The following AGAP1 variants were observed in gnomAD, a reference collection of about 807,000 sequenced individuals.
AGAP1 encodes ArfGAP with GTPase domain, ankyrin repeat and PH domain 1.
AGAP1 carries 29 observed loss-of-function variants against 105.3 expected under a neutral mutation model. The ratio of observed to expected loss-of-function variants is 0.28; its 90% CI spans 0.21 to 0.38. The LOEUF (loss-of-function observed/expected upper bound fraction) is 0.38. AGAP1 is among the 10% of genes least tolerant of loss of function. AGAP1 has a pLI of 1.00. For synonymous variants in AGAP1, 509 were observed against 485.9 expected (o/e 1.05, Z -0.63); for missense variants, 998 against 1,165.1 (o/e 0.86, Z 2.09).
At chr2:235,619,188 A>T (rs1946397040) in intron 1 of AGAP1, among the ~76,000 whole-genome samples, 1 of 152,202 alleles carries the variant, frequency 6.6e-6, no homozygotes, top group Non-Finnish European at 1.5e-5. Flanking sequence ...CAAGCAAGCC[A>T]CCAAGTTTGT....
At chr2:235,508,992 G>T (rs13411429) in intron 1 of AGAP1, among the ~76,000 whole-genome samples, 26,703 of 152,134 alleles carry the variant, frequency 0.18, 2,581 homozygotes, top group East Asian at 0.31. Context: ...GCGTGGTGGT[G>T]GCTGCGCTAT....
intron 1 of AGAP1, among the ~76,000 whole-genome samples, chr2:235,561,712 C>T (rs1436318699): frequency 6.6e-6 from 1 of 152,144 alleles, no homozygotes; most frequent in Non-Finnish European, 1.5e-5. Flanking sequence ...AATAGAGGCC[C>T]ATTACATACC....
chr2:236,111,910 G>A (rs2059655075), intron 16 of AGAP1, among the ~76,000 whole-genome samples: 2 of 152,126 alleles, frequency 1.3e-5, no homozygotes, highest in Admixed American at 1.3e-4. Context: ...CATCACAGTT[G>A]GTTGTTGCCT....
At chr2:235,821,863 C>T (rs537825035) in intron 9 of AGAP1, among the ~76,000 whole-genome samples, 15 of 152,326 alleles carry the variant, frequency 9.8e-5, no homozygotes, top group African/African-American at 3.4e-4. Context: ...ATGACCTTGA[C>T]ACTATTTTAG....
At chr2:236,110,932 G>A (rs1457199904) in intron 16 of AGAP1, among the ~76,000 whole-genome samples, 1 of 152,198 alleles carries the variant, frequency 6.6e-6, no homozygotes, top group Non-Finnish European at 1.5e-5. Flanking sequence ...TCTGGTTAGG[G>A]TTCGGTCTCT....
chr2:235,832,708 T>C (rs1959577022), intron 9 of AGAP1, among the ~76,000 whole-genome samples: 1 of 152,228 alleles, frequency 6.6e-6, no homozygotes, highest in Non-Finnish European at 1.5e-5. Flanking sequence ...CGTTGCCTGT[T>C]GGCAGCTGTG....
intron 1 of AGAP1, among the ~76,000 whole-genome samples, chr2:235,704,588 G>A (rs1426679180): frequency 3.3e-5 from 5 of 152,200 alleles, no homozygotes; most frequent in African/African-American, 1.2e-4. Context: ...GGAGGTTGCA[G>A]TGAGCCAAGA....
At chr2:235,648,479 G>T (rs988252309) in intron 1 of AGAP1, among the ~76,000 whole-genome samples, 1 of 152,098 alleles carries the variant, frequency 6.6e-6, no homozygotes, top group African/African-American at 2.4e-5. Context: ...CTAAGGTGAG[G>T]TTACCTTTCC....
At chr2:235,798,038 G>T (rs1306350691) in intron 7 of AGAP1, 152 bp downstream of exon 7, 2 of 1,013,532 alleles carry the variant, frequency 2.0e-6, no homozygotes, top group Non-Finnish European at 2.9e-6. Context: ...TTCAGAAACT[G>T]CTGTGGCCAA....
rs990465548 is a variant in AGAP1 at position 235,566,249 on chromosome 2, G to A, written c.163+71400G>A. On this transcript the variant is annotated intron_variant, in intron 1 of 17. Transcript: ENST00000304032. The surrounding 1 kb of genome is among the most constrained non-coding windows in gnomAD (Gnocchi z 5.2). The stretch of plus-strand genomic sequence containing the variant: ...TGGGATTACAGGCATGCGCCACCAC[G>A]CCTGGCTAATTTTGTATTTTTAGTA... Among the ~76,000 whole-genome samples the A allele has an allele frequency of 6.6e-6, 1 of 152,070 alleles. No homozygotes were observed. Among genetic ancestry groups the A allele is most frequent in the Non-Finnish European group, 1.5e-5 (1 of 68,028 alleles).
chr2:235,727,183 G>A lies in AGAP1; in HGVS notation c.310+9539G>A, dbSNP rs181410733. ...TTTTGATTGTTCTGTCCCTTCGGGT[G>A]GGGAGATGAGGTCAGCCTAATTGAG... On this transcript the variant is annotated intron_variant, in intron 3 of 17. Coordinates refer to ENST00000304032, the MANE Select transcript of AGAP1 (RefSeq NM_001037131.3). 1.3e-3 allele frequency among the ~76,000 whole-genome samples: 194 copies of A among 152,326 alleles called. 2 individuals are homozygous for A. The highest frequency in any genetic ancestry group is 4.4e-3 in the African/African-American group (183 of 41,578).
At chr2:235,571,276 G>A (rs1384796912) in intron 1 of AGAP1, among the ~76,000 whole-genome samples, 1 of 152,218 alleles carries the variant, frequency 6.6e-6, no homozygotes, top group South Asian at 2.1e-4. Context: ...ATGGGGACAA[G>A]GATTCACACC....
rs374297554 is a variant in AGAP1, at chr2:235,811,693, C to T, written c.1050+4362C>T. 4.3e-3 allele frequency among the ~76,000 whole-genome samples: 651 copies of T among 152,330 alleles called. 3 individuals carry two copies. Among genetic ancestry groups the T allele is most frequent in the Middle Eastern group, 0.02 (6 of 294 alleles). On this transcript the variant is annotated intron_variant, in intron 9 of 17. Coordinates refer to ENST00000304032, the MANE Select transcript of AGAP1 (RefSeq NM_001037131.3). ...TGCTCTGTACCTCAGGCCATGGGGA[C>T]GACCGCTCCCTGTCATGCAGACCCC...
intron 1 of AGAP1, among the ~76,000 whole-genome samples, chr2:235,706,002 T>G (rs1168355646): frequency 6.6e-6 from 1 of 152,320 alleles, no homozygotes; most frequent in East Asian, 1.9e-4. Flanking sequence ...ACTATTAAAG[T>G]TCATTTTTAA....
At chr2:235,679,663 T>G (rs528123345) in intron 1 of AGAP1, among the ~76,000 whole-genome samples, 1 of 152,224 alleles carries the variant, frequency 6.6e-6, no homozygotes, top group Non-Finnish European at 1.5e-5. Flanking sequence ...TTTGGACAGC[T>G]AGTCTGAGTG....
At position 235,927,698 on chromosome 2, in the gene AGAP1, G is replaced by T. The variant is rs906127550; in HGVS notation, c.1325-3067G>T. Among the ~76,000 whole-genome samples, 1 of 152,214 alleles carries T rather than the reference G, an allele frequency of 6.6e-6. No individual in the cohort carries two copies. The highest frequency in any genetic ancestry group is 2.4e-5 in the African/African-American group (1 of 41,452). The stretch of plus-strand genomic sequence containing the variant: ...GCAAGTAGTCAGTGATGGATGCACT[G>T]AAATACTGTCCTCTGCCTTTTAAAG... On this transcript the variant is annotated intron_variant, in intron 11 of 17. Transcript: ENST00000304032. This position sits in a 1 kb window ranked among gnomAD's most constrained non-coding sequence, Gnocchi z 4.4.
intron 15 of AGAP1, among the ~76,000 whole-genome samples, chr2:236,043,919 G>T (rs1296253123): frequency 6.6e-6 from 1 of 152,130 alleles, no homozygotes; most frequent in Non-Finnish European, 1.5e-5. Context: ...GTCTTTTGAG[G>T]CTTGGGGATT....
intron 1 of AGAP1, among the ~76,000 whole-genome samples, chr2:235,567,203 C>T (rs1013091152): frequency 3.3e-5 from 5 of 152,362 alleles, no homozygotes; most frequent in African/African-American, 9.6e-5. Context: ...GTGCCTAGAG[C>T]TTGGATGTGC....
In AGAP1 at chr2:236,003,857, TAAAATG is replaced by T. The variant is rs567741579; in HGVS notation, c.1646-32700_1646-32695del. Among the ~76,000 whole-genome samples, 185 of 152,168 alleles carry T rather than the reference TAAAATG, an allele frequency of 1.2e-3. 2 individuals are homozygous for T. Among genetic ancestry groups the T allele is most frequent in the African/African-American group, 4.4e-3 (181 of 41,510 alleles). Reference sequence around the variant, plus strand: ...TATGTAACTTTTTTTCCAAAGAACTTAAAATGAAAGAATATGAGAAAACCCCTAAAT... The same window carrying T: ...TATGTAACTTTTTTTCCAAAGAACTTAAAGAATATGAGAAAACCCCTAAAT... On this transcript the variant is annotated intron_variant, in intron 13 of 17. Coordinates refer to ENST00000304032, the MANE Select transcript of AGAP1 (RefSeq NM_001037131.3). This position sits in a 1 kb window ranked among gnomAD's most constrained non-coding sequence, Gnocchi z 4.2.
Sources: allele counts gnomAD v4.1 joint callset (sites outside exome capture counted in the v4.1 genomes callset), GRCh38; gene constraint gnomAD v4.1.1; non-coding constraint Gnocchi (gnomAD v3.1); transcripts MANE v1.5; gene names NCBI Gene and HGNC (gene_info 2026-07-23, HGNC 2026-07-21).